The following PALM2AKAP2 variants were observed in gnomAD, a reference collection of about 807,000 sequenced individuals.
PALM2AKAP2 encodes PALM2-AKAP2 fusion protein.
In PALM2AKAP2, 37 loss-of-function variants were observed where a neutral mutation model predicts 71.5. The observed-to-expected ratio is 0.52, with a 90% CI of 0.40 to 0.68. The LOEUF (loss-of-function observed/expected upper bound fraction) is 0.68, where lower values mean the gene tolerates loss of function less well. Ranked by LOEUF, PALM2AKAP2 falls within the 30% of genes least tolerant of loss-of-function variation. The pLI, the probability that PALM2AKAP2 is intolerant of heterozygous loss-of-function variation, is 0.00. For missense variants in PALM2AKAP2, 1,224 were observed against 1,191.8 expected (o/e 1.03, Z -0.40); for synonymous variants, 468 against 478.8 (o/e 0.98, Z 0.29).
intron 6 of PALM2AKAP2, among the ~76,000 whole-genome samples, chr9:110,011,012 A>ATATATATATATATATATATAT (rs59242587): frequency 5.1e-4 from 46 of 90,386 alleles, no homozygotes; most frequent in Admixed American, 6.6e-4. Context: ...AAAAAAAAAA[A>ATATATATATATATATATATAT]AAATATATAT....
intron 7 of PALM2AKAP2, among the ~76,000 whole-genome samples, chr9:110,028,177 G>C (rs1833215654): frequency 6.6e-6 from 1 of 152,062 alleles, no homozygotes; most frequent in Non-Finnish European, 1.5e-5. Context: ...AATATGAAGA[G>C]CTCTGTTGTA....
intron 2 of PALM2AKAP2, among the ~76,000 whole-genome samples, chr9:110,145,840 G>T (rs1029504235): frequency 2.8e-5 from 4 of 142,822 alleles, no homozygotes; most frequent in African/African-American, 5.3e-5. Context: ...ACCCTTAAAG[G>T]CTTGGAAAAG....
intron 1 of PALM2AKAP2, among the ~76,000 whole-genome samples, chr9:109,685,428 A>G (rs1474828730): frequency 1.3e-5 from 2 of 152,184 alleles, no homozygotes; most frequent in Non-Finnish European, 2.9e-5. Flanking sequence ...GACTATTGCA[A>G]TAAAGCAAGT....
At chr9:109,941,032 C>A (rs1282571362) in intron 6 of PALM2AKAP2, among the ~76,000 whole-genome samples, 1 of 151,714 alleles carries the variant, frequency 6.6e-6, no homozygotes, top group Non-Finnish European at 1.5e-5. Context: ...TAATTGTTTT[C>A]TTTCTCTTTT....
intron 1 of PALM2AKAP2, among the ~76,000 whole-genome samples, chr9:109,683,744 C>T (rs150542416): frequency 1.1e-3 from 170 of 152,184 alleles, no homozygotes; most frequent in African/African-American, 3.9e-3. Flanking sequence ...TTCTTGCTCC[C>T]ACAATGACTA....
intron 7 of PALM2AKAP2, 97 bp downstream of exon 7, chr9:110,016,136 CCA>C (rs1832976659): frequency 2.6e-6 from 3 of 1,170,036 alleles, no homozygotes; most frequent in Non-Finnish European, 3.8e-6. Flanking sequence ...CACTACCAAT[CCA>C]CCTTGCTAGA....
chr9:109,769,065 A>G (rs555591950), intron 1 of PALM2AKAP2, among the ~76,000 whole-genome samples: 82 of 152,312 alleles, frequency 5.4e-4, no homozygotes, highest in Non-Finnish European at 1.0e-3. Flanking sequence ...TCAAGTTTTT[A>G]CTTGCATTAG....
chr9:109,674,596 C>A (rs777749967), intron 1 of PALM2AKAP2, among the ~76,000 whole-genome samples: 1 of 151,894 alleles, frequency 6.6e-6, no homozygotes, highest in Non-Finnish European at 1.5e-5. Flanking sequence ...ATGTGTGGAC[C>A]TTTTGGGGGT....
At chr9:109,828,560 T>C (rs1390737660) in intron 1 of PALM2AKAP2, among the ~76,000 whole-genome samples, 1 of 152,230 alleles carries the variant, frequency 6.6e-6, no homozygotes, top group African/African-American at 2.4e-5. Context: ...GCCCATCTGC[T>C]CTCTCATTTT....
chr9:109,664,549 A>G (rs1763842059), intron 1 of PALM2AKAP2, among the ~76,000 whole-genome samples: 1 of 152,206 alleles, frequency 6.6e-6, no homozygotes, highest in African/African-American at 2.4e-5. Flanking sequence ...AGTTTCTGCT[A>G]AGAGATCTGC....
Position 110,016,104 on chromosome 9 carries a change from G to GA in PALM2AKAP2, c.582+65_582+66insA, listed in dbSNP as rs1832976091. Reference sequence around the variant, plus strand: ...CTAGAGTAAAGGCAGCCGATGGCAGGTTTTTCTGGGGGCAAAATGAACACT... The same window carrying GA: ...CTAGAGTAAAGGCAGCCGATGGCAGGATTTTTCTGGGGGCAAAATGAACACT... On this transcript the variant is annotated intron_variant, in intron 7 of 9. Coordinates refer to the PALM2AKAP2 transcript ENST00000302798. 2.0e-6 allele frequency: 3 copies of GA among 1,500,068 alleles called. No homozygotes were observed. The East Asian group carries it at 6.9e-5, about 34-fold the overall frequency. The allele number at this position is 1,500,068 out of a possible 1,614,324, so 92.9% of individuals were successfully genotyped here. A position where few individuals can be genotyped will look rare whatever the true frequency, so the allele number is the denominator to read the frequency against.
At chr9:109,812,135 C>A (rs1443559725) in intron 1 of PALM2AKAP2, among the ~76,000 whole-genome samples, 8 of 152,202 alleles carry the variant, frequency 5.3e-5, no homozygotes, top group African/African-American at 1.7e-4. Flanking sequence ...AGGGAGAGGG[C>A]AGCTGGCCAT....
At chr9:110,035,085 T>C (rs1588069821) in intron 7 of PALM2AKAP2, among the ~76,000 whole-genome samples, 1 of 151,036 alleles carries the variant, frequency 6.6e-6, no homozygotes, top group African/African-American at 2.4e-5. Context: ...ACTAAGTTCT[T>C]GGAATCAACT....
upstream of PALM2AKAP2, among the ~76,000 whole-genome samples, chr9:110,044,344 C>CTTTTTTT (rs57314430): frequency 1.9e-3 from 156 of 80,156 alleles, 1 homozygote; most frequent in Non-Finnish European, 2.2e-3. Context: ...TTCTTTCTTT[C>CTTTTTTT]TTTTTTTTTT....
At chr9:110,118,952 C>T (rs1835424222) in intron 1 of PALM2AKAP2, among the ~76,000 whole-genome samples, 1 of 152,098 alleles carries the variant, frequency 6.6e-6, no homozygotes, top group African/African-American at 2.4e-5. Context: ...ATAAAATGTT[C>T]CATAGCATTT....
At chr9:109,865,346 A>G (rs1829422574) in intron 1 of PALM2AKAP2, among the ~76,000 whole-genome samples, 1 of 151,968 alleles carries the variant, frequency 6.6e-6, no homozygotes, top group Non-Finnish European at 1.5e-5. Flanking sequence ...TGATCCACCC[A>G]CCTCAGCCTC....
intron 2 of PALM2AKAP2, among the ~76,000 whole-genome samples, chr9:110,155,240 A>C (rs1464165590): frequency 1.3e-5 from 2 of 152,234 alleles, no homozygotes; most frequent in African/African-American, 4.8e-5. Context: ...GAAGAGGTCA[A>C]ATGGCCCTTT....
chr9:109,883,338 A>C (rs1053373086), intron 3 of PALM2AKAP2, among the ~76,000 whole-genome samples: 1 of 152,212 alleles, frequency 6.6e-6, no homozygotes, highest in Non-Finnish European at 1.5e-5. Context: ...AATAGCCTAC[A>C]GGGGTGGATG....
intron 1 of PALM2AKAP2, among the ~76,000 whole-genome samples, chr9:109,764,263 G>A (rs1829108770): frequency 6.6e-6 from 1 of 151,944 alleles, no homozygotes. Context: ...TGCTGAACTA[G>A]ACCCAACCTG....
Sources: gnomAD v4.1 joint callset for allele counts (sites outside exome capture counted in the v4.1 genomes callset) on GRCh38, gnomAD v4.1.1 for gene constraint, MANE v1.5 for transcripts, NCBI Gene and HGNC (gene_info 2026-07-23, HGNC 2026-07-21) for gene names.